The following TYW1 variants were observed in gnomAD, a reference collection of about 807,000 sequenced individuals.
TYW1 encodes S-adenosyl-L-methionine-dependent tRNA 4-demethylwyosine synthase TYW1.
Under a neutral mutation model 96.2 loss-of-function variants are expected in TYW1, and 46 were observed. That is an observed-to-expected ratio of 0.48 (90% CI 0.38 to 0.61). TYW1 has a LOEUF of 0.61. Ranked by LOEUF, TYW1 falls within the 20% of genes least tolerant of loss-of-function variation. The pLI is 0.00. For synonymous variants in TYW1, 274 were observed against 323.0 expected (o/e 0.85, Z 1.63); for missense variants, 684 against 909.6 (o/e 0.75, Z 3.19).
intron 13 of TYW1, among the ~76,000 whole-genome samples, chr7:67,171,130 A>G (rs1000013008): frequency 1.6e-4 from 25 of 152,002 alleles, no homozygotes; most frequent in Non-Finnish European, 3.1e-4. Flanking sequence ...GGTAATTTAC[A>G]TATTTCTAAG....
At chr7:67,223,861 G>A (rs1801474050) in intron 15 of TYW1, among the ~76,000 whole-genome samples, 1 of 150,886 alleles carries the variant, frequency 6.6e-6, no homozygotes, top group Non-Finnish European at 1.5e-5. Flanking sequence ...TCCCCTGAAT[G>A]TTACAAGCCT....
Position 67,083,461 on chromosome 7 carries a change from C to A in TYW1, c.1306C>A (p.Arg436=), listed in dbSNP as rs116676724. ...CACCAACCCCGTGGGCACTGAGTGG[C>A]GGTGGAAGATGGACCAGCCTGAAAT... The part of the protein sequence containing the change: ...HHTNPVGTEW[R]WKMDQPEMIL... Residue 436 remains arginine (R), a synonymous_variant, in exon 11 of 16, where the codon CGG becomes AGG. Coordinates refer to ENST00000359626, the MANE Select transcript of TYW1 (RefSeq NM_018264.4). The A allele has an allele frequency of 2.4e-5, 38 of 1,613,910 alleles. No homozygotes were observed. The highest frequency in any genetic ancestry group is 3.1e-5 in the Non-Finnish European group (37 of 1,180,010).
chr7:67,020,554 A>C (rs1057471787), intron 6 of TYW1, among the ~76,000 whole-genome samples: 1 of 152,292 alleles, frequency 6.6e-6, no homozygotes, highest in Non-Finnish European at 1.5e-5. Context: ...TCTTAAAAAT[A>C]CAAATCAGAC....
intron 13 of TYW1, among the ~76,000 whole-genome samples, chr7:67,118,286 C>T (rs1797657654): frequency 6.6e-6 from 1 of 152,038 alleles, no homozygotes; most frequent in Admixed American, 6.6e-5. Context: ...AAGATCATGC[C>T]ACTGCACTGC....
intron 13 of TYW1, among the ~76,000 whole-genome samples, chr7:67,176,202 A>G (rs745438478): frequency 6.6e-6 from 1 of 152,238 alleles, no homozygotes; most frequent in Admixed American, 6.5e-5. Context: ...GAATAAATCT[A>G]TGGAAAGATG....
chr7:67,110,553 G>A (rs1013781857), intron 12 of TYW1, among the ~76,000 whole-genome samples: 1 of 152,076 alleles, frequency 6.6e-6, no homozygotes, highest in African/African-American at 2.4e-5. Context: ...AATGAATATC[G>A]AATTTACCAA....
chr7:67,087,563 C>T (rs541005519), intron 11 of TYW1, among the ~76,000 whole-genome samples: 54 of 151,684 alleles, frequency 3.6e-4, no homozygotes, highest in Non-Finnish European at 6.5e-4. Flanking sequence ...TATACAGTAT[C>T]TATTTTACCC....
intron 7 of TYW1, among the ~76,000 whole-genome samples, chr7:67,034,690 G>T (rs1198453167): frequency 6.6e-6 from 1 of 152,038 alleles, no homozygotes. Flanking sequence ...TTCAATGTAA[G>T]GTTCATTTTA....
chr7:67,169,650 T>A (rs1799458212), intron 13 of TYW1, among the ~76,000 whole-genome samples: 1 of 152,218 alleles, frequency 6.6e-6, no homozygotes, highest in Admixed American at 6.5e-5. Flanking sequence ...CCACCTGCCT[T>A]GGCCTCCCAA....
intron 14 of TYW1, among the ~76,000 whole-genome samples, chr7:67,194,063 A>C (rs1800311582): frequency 6.6e-6 from 1 of 152,126 alleles, no homozygotes; most frequent in South Asian, 2.1e-4. Flanking sequence ...TTAGAAAATT[A>C]ATCATTTTAC....
chr7:67,213,302 G>A (rs1309901013), intron 15 of TYW1, among the ~76,000 whole-genome samples: 1 of 152,142 alleles, frequency 6.6e-6, no homozygotes, highest in Admixed American at 6.5e-5. Flanking sequence ...TAAGTAGCTG[G>A]GACTACAGGT....
At chr7:67,140,291 T>C (rs1288536159) in intron 13 of TYW1, among the ~76,000 whole-genome samples, 2 of 152,232 alleles carry the variant, frequency 1.3e-5, no homozygotes, top group Non-Finnish European at 2.9e-5. Context: ...CTTTAGACTT[T>C]ATAAAATATT....
At chr7:67,183,303 C>T (rs1300250750) in intron 14 of TYW1, 67 bp downstream of exon 14, 39 of 1,451,176 alleles carry the variant, frequency 2.7e-5, no homozygotes, top group African/African-American at 4.3e-5. Context: ...CGTTGGCCAT[C>T]GTGGAGTTAA....
chr7:67,015,820 AGGTGT>A (rs1793999489), intron 5 of TYW1, among the ~76,000 whole-genome samples: 1 of 151,808 alleles, frequency 6.6e-6, no homozygotes, highest in African/African-American at 2.4e-5. Context: ...AAAATTAGCC[AGGTGT>A]GGTGGCGGGT....
rs1796404040 is a variant in TYW1 at position 67,081,846 on chromosome 7, T to A, written c.1275-1584T>A. Among the ~76,000 whole-genome samples, 2 of 147,952 alleles carry A rather than the reference T, an allele frequency of 1.4e-5. 1 individual carries two copies. The highest frequency in any genetic ancestry group is 4.4e-4 in the South Asian group (2 of 4,520). ...CCTTTTTTTTGGTCTGACTGGGTCATTTCAAAAGTCCTGTCTTCAAATTCA... is the reference window on the plus strand; with the variant it reads ...CCTTTTTTTTGGTCTGACTGGGTCAATTCAAAAGTCCTGTCTTCAAATTCA... On this transcript the variant is annotated intron_variant, in intron 10 of 15. Transcript: ENST00000359626.
chr7:67,180,929 C>T, intron 13 of TYW1, among the ~76,000 whole-genome samples: 1 of 152,178 alleles, frequency 6.6e-6, no homozygotes, highest in East Asian at 1.9e-4. Context: ...CAGGCGTGAG[C>T]CACTGCGTCC....
chr7:67,184,394 G>T (rs1405526297), intron 14 of TYW1, among the ~76,000 whole-genome samples: 1 of 151,920 alleles, frequency 6.6e-6, no homozygotes, highest in African/African-American at 2.4e-5. Flanking sequence ...GGGTTTGTTT[G>T]TATTTCAGGA....
Position 66,996,935 on chromosome 7 carries a change from C to T in TYW1, c.-44C>T. On this transcript the variant is annotated 5_prime_UTR_variant, in exon 1 of 16. Coordinates refer to ENST00000359626, the MANE Select transcript of TYW1 (RefSeq NM_018264.4). ...CGCGGTACCAGTGCGAATCATCGGGCTATCCAGGTCCGAGATCCTAGTCTC... is the reference window on the plus strand; with the variant it reads ...CGCGGTACCAGTGCGAATCATCGGGTTATCCAGGTCCGAGATCCTAGTCTC... The T allele has an allele frequency of 6.2e-7, 1 of 1,613,856 alleles. No individual in the cohort carries two copies. The highest frequency in any genetic ancestry group is 8.5e-7 in the Non-Finnish European group (1 of 1,179,910).
At chr7:67,120,157 C>T (rs545504389) in intron 13 of TYW1, among the ~76,000 whole-genome samples, 100 of 152,154 alleles carry the variant, frequency 6.6e-4, no homozygotes, top group African/African-American at 2.2e-3. Context: ...TCTTGGCTCA[C>T]TGCAACGTCT....
Sources: gnomAD v4.1 joint callset for allele counts (sites outside exome capture counted in the v4.1 genomes callset) on GRCh38, gnomAD v4.1.1 for gene constraint, MANE v1.5 for transcripts, NCBI Gene and HGNC (gene_info 2026-07-23, HGNC 2026-07-21) for gene names.